FRMD4B: variants seen among roughly 807,000 people sequenced by gnomAD.
The protein encoded by FRMD4B is FERM domain containing 4B.
Under a neutral mutation model 141.5 loss-of-function variants are expected in FRMD4B, and 74 were observed. The observed-to-expected ratio is 0.52, with a 90% CI of 0.43 to 0.63. The LOEUF is 0.63. Among genes scored for constraint, FRMD4B ranks in the 30% least tolerant of loss-of-function variants. The pLI, the probability that FRMD4B is intolerant of heterozygous loss-of-function variation, is 0.00. For synonymous variants in FRMD4B, 506 were observed against 467.9 expected, an observed-to-expected ratio of 1.08 and a Z score of -1.05; for missense variants, 1,366 against 1,253.4, an observed-to-expected ratio of 1.09 and a Z score of -1.36.
Position 69,329,121 on chromosome 3 carries a change from C to T in FRMD4B, c.163-15604G>A, listed in dbSNP as rs369786283. On this transcript the variant is annotated intron_variant, in intron 1 of 22. Transcript: ENST00000398540. Reference sequence around the variant, plus strand: ...GCATACCAGTGGAGAAAGTGATGGTCAGAACACTCAGGATGTGGAGGCCGT... The same window carrying T: ...GCATACCAGTGGAGAAAGTGATGGTTAGAACACTCAGGATGTGGAGGCCGT... Among the ~76,000 whole-genome samples the T allele has an allele frequency of 3.9e-5, 6 of 152,238 alleles. No individual in the cohort carries two copies. The East Asian group carries it at 1.2e-3, about 29-fold the overall frequency.
At chr3:69,407,588 A>G (rs1410888902) in intron 2 of FRMD4B, among the ~76,000 whole-genome samples, 1 of 152,242 alleles carries the variant, frequency 6.6e-6, no homozygotes, top group African/African-American at 2.4e-5. Context: ...GTTACTTATT[A>G]CACAGGATTT....
intron 5 of FRMD4B, among the ~76,000 whole-genome samples, chr3:69,283,257 C>A (rs1013665074): frequency 6.6e-6 from 1 of 151,652 alleles, no homozygotes; most frequent in Admixed American, 6.6e-5. Flanking sequence ...TGGTGTCAGG[C>A]GCCTGTAATC....
chr3:69,332,649 T>C (rs1263660150), intron 1 of FRMD4B, among the ~76,000 whole-genome samples: 1 of 151,812 alleles, frequency 6.6e-6, no homozygotes, highest in Admixed American at 6.6e-5. Context: ...TGATCATGAC[T>C]CACTGCAGCC....
At chr3:69,198,461 A>T (rs2107660838) in intron 12 of FRMD4B, 2 of 470,574 alleles carry the variant, frequency 4.3e-6, no homozygotes, top group East Asian at 6.7e-5. Context: ...ATGTGTCGGC[A>T]TTGGAACCAC....
At chr3:69,487,845 T>C (rs1286087595) in intron 1 of FRMD4B, among the ~76,000 whole-genome samples, 1 of 152,226 alleles carries the variant, frequency 6.6e-6, no homozygotes, top group Non-Finnish European at 1.5e-5. Flanking sequence ...CCAGTATCTA[T>C]GTTTCTTACA....
At chr3:69,462,195 G>C (rs1052657922) in intron 1 of FRMD4B, among the ~76,000 whole-genome samples, 2 of 152,130 alleles carry the variant, frequency 1.3e-5, no homozygotes, top group African/African-American at 4.8e-5. Context: ...AGTAACCAGA[G>C]CCGCAAGTAA....
chr3:69,428,437 G>C (rs1238701363), intron 2 of FRMD4B, among the ~76,000 whole-genome samples: 1 of 150,742 alleles, frequency 6.6e-6, no homozygotes, highest in Non-Finnish European at 1.5e-5. Context: ...TGATTTGGCA[G>C]TTGGCTGGTA....
chr3:69,468,326 C>T (rs1253982167), intron 1 of FRMD4B, among the ~76,000 whole-genome samples: 1 of 152,020 alleles, frequency 6.6e-6, no homozygotes, highest in Non-Finnish European at 1.5e-5. Context: ...TTTTTCAGAT[C>T]CTTTTATAGT....
chr3:69,204,104 C>T (rs2092998255), intron 11 of FRMD4B, among the ~76,000 whole-genome samples: 4 of 152,058 alleles, frequency 2.6e-5, no homozygotes, highest in Admixed American at 2.6e-4. Context: ...AGGGGCTGGT[C>T]ACGGCATGCC....
At chr3:69,397,904 A>G (rs1704498866) in intron 2 of FRMD4B, among the ~76,000 whole-genome samples, 1 of 152,220 alleles carries the variant, frequency 6.6e-6, no homozygotes, top group South Asian at 2.1e-4. Context: ...GTTACCAAAA[A>G]AAGAGAGGTA....
At position 69,182,635 on chromosome 3, in the gene FRMD4B, C is replaced by A. The variant is rs753212899; in HGVS notation, c.2002G>T (p.Val668Phe). ...CTGCTGTAGGCGTTTCGGGTAAGAA[C>A]TGGCGTGGTGGGCATGCTTCGTCCT... ...QGGRSMPTTP[V>F]LTRNAYSSSH... Residue 668 changes from valine (V) to phenylalanine (F), a missense_variant, in exon 20 of 23, where the codon GTT becomes TTT. Coordinates refer to ENST00000398540, the MANE Select transcript of FRMD4B (RefSeq NM_015123.3). The A allele has an allele frequency of 6.8e-6, 11 of 1,613,742 alleles. No homozygotes were observed. Among genetic ancestry groups the A allele is most frequent in the Non-Finnish European group, 5.1e-6 (6 of 1,179,800 alleles).
At chr3:69,354,057 T>C (rs562740937) in intron 1 of FRMD4B, among the ~76,000 whole-genome samples, 1 of 152,280 alleles carries the variant, frequency 6.6e-6, no homozygotes, top group Admixed American at 6.5e-5. Flanking sequence ...AAAACAATAT[T>C]TAACTCAACT....
intron 1 of FRMD4B, among the ~76,000 whole-genome samples, chr3:69,342,612 C>A (rs1237409829): frequency 6.6e-6 from 1 of 152,080 alleles, no homozygotes; most frequent in African/African-American, 2.4e-5. Context: ...TACTTCAGTG[C>A]CAGATGCTAG....
At chr3:69,282,392 T>G (rs2031466292) in intron 5 of FRMD4B, among the ~76,000 whole-genome samples, 1 of 152,112 alleles carries the variant, frequency 6.6e-6, no homozygotes, top group Non-Finnish European at 1.5e-5. Context: ...AGTCCTGAGT[T>G]AACAGCAGCT....
intron 11 of FRMD4B, among the ~76,000 whole-genome samples, chr3:69,207,566 T>C (rs2093035717): frequency 6.6e-6 from 1 of 152,016 alleles, no homozygotes. Flanking sequence ...TCCCAGCACT[T>C]TGGGAGGCCG....
intron 5 of FRMD4B, 153 bp from the exon 6 acceptor site, chr3:69,250,252 G>A (rs1407259933): frequency 1.4e-6 from 1 of 696,910 alleles, no homozygotes; most frequent in African/African-American, 1.8e-5. Context: ...GGGGTGTGGA[G>A]AGACTCATTG....
At chr3:69,197,896 G>A (rs371572088) in intron 12 of FRMD4B, 17 of 152,402 alleles carry the variant, frequency 1.1e-4, no homozygotes, top group African/African-American at 1.9e-4. Context: ...AGGCGGAGAC[G>A]GGCGGATCAC....
chr3:69,247,324 G>A (rs2093431630), intron 7 of FRMD4B, among the ~76,000 whole-genome samples: 1 of 152,078 alleles, frequency 6.6e-6, no homozygotes, highest in Non-Finnish European at 1.5e-5. Context: ...CATTGAGTGT[G>A]AGCTTTTGGG....
chr3:69,258,483 TA>T (rs1284544988), intron 5 of FRMD4B, among the ~76,000 whole-genome samples: 1 of 152,182 alleles, frequency 6.6e-6, no homozygotes, highest in African/African-American at 2.4e-5. Flanking sequence ...TTTTGCTAGT[TA>T]AAAAAGTATA....
Sources: gnomAD v4.1 joint callset for allele counts (sites outside exome capture counted in the v4.1 genomes callset) on GRCh38, gnomAD v4.1.1 for gene constraint, MANE v1.5 for transcripts, NCBI Gene and HGNC (gene_info 2026-07-23, HGNC 2026-07-21) for gene names.